NRK: variants seen among roughly 807,000 people sequenced by gnomAD.
NRK encodes the protein nik-related protein kinase.
NRK carries 67 observed loss-of-function variants against 125.2 expected under a neutral mutation model. That is an observed-to-expected ratio of 0.54 (90% CI 0.44 to 0.66). NRK has a LOEUF of 0.66. NRK is among the 30% of genes least tolerant of loss of function. The pLI is 0.00. For synonymous variants in NRK, 458 were observed against 429.0 expected, an observed-to-expected ratio of 1.07 and a Z score of -0.84; for missense variants, 1,224 against 1,192.9, an observed-to-expected ratio of 1.03 and a Z score of -0.38.
intron 2 of NRK, among the ~76,000 whole-genome samples, chrX:105,853,982 G>A (rs2039503246): frequency 8.9e-6 from 1 of 111,826 alleles, no homozygotes; most frequent in African/African-American, 3.2e-5. Context: ...CATTTTGGGG[G>A]CTGCCTTCAC....
chrX:105,856,051 T>A (rs968857057), intron 2 of NRK, among the ~76,000 whole-genome samples: 1 of 112,015 alleles, frequency 8.9e-6, no homozygotes, highest in African/African-American at 3.2e-5. Flanking sequence ...AAAAAAACTC[T>A]TCTGACAGTT....
intron 16 of NRK, among the ~76,000 whole-genome samples, chrX:105,918,619 A>G (rs994472218): frequency 9.1e-6 from 1 of 110,442 alleles, no homozygotes; most frequent in East Asian, 2.9e-4. Flanking sequence ...ATTTTTAAAA[A>G]TTTTTTCCCA....
intron 2 of NRK, among the ~76,000 whole-genome samples, chrX:105,844,971 C>T (rs949314089): frequency 5.4e-5 from 6 of 111,185 alleles, no homozygotes; most frequent in African/African-American, 2.0e-4. Context: ...AATCATCTTG[C>T]CATTTACTTG....
At chrX:105,868,215 T>C (rs1488625081) in intron 2 of NRK, among the ~76,000 whole-genome samples, 1 of 110,985 alleles carries the variant, frequency 9.0e-6, no homozygotes, top group Non-Finnish European at 1.9e-5. Flanking sequence ...CTTTGGACAG[T>C]GGGAATCAAT....
chrX:105,958,128 G>C lies in NRK; in HGVS notation c.*2528G>C, dbSNP rs1427170619. 8.9e-6 allele frequency: 1 copy of C among 111,825 alleles called. No individual in the cohort carries two copies. The highest frequency in any genetic ancestry group is 1.9e-5 in the Non-Finnish European group (1 of 53,233). 9.2% of individuals were successfully genotyped at this position (111,825 alleles called of 1,213,427 possible). The stretch of plus-strand genomic sequence containing the variant: ...ATTTAGGTTTTTCAACAAAGCCCTT[G>C]TCTAAAATAAAAGGCATTATTGGAA... On this transcript the variant is annotated 3_prime_UTR_variant, in exon 29 of 29. Coordinates refer to ENST00000243300, the MANE Select transcript of NRK (RefSeq NM_198465.4).
At chrX:105,900,907 C>T (rs2040148920) in intron 9 of NRK, among the ~76,000 whole-genome samples, 1 of 111,104 alleles carries the variant, frequency 9.0e-6, no homozygotes. Context: ...ACTTTTCTTT[C>T]TTATAATATC....
At chrX:105,899,453 G>T in intron 8 of NRK, among the ~76,000 whole-genome samples, 1 of 111,621 alleles carries the variant, frequency 9.0e-6, no homozygotes, top group East Asian at 2.8e-4. Context: ...TTCCTTAAGT[G>T]CCCTTTACAT....
chrX:105,934,565 C>A, intron 20 of NRK, 121 bp downstream of exon 20: 1 of 452,060 alleles, frequency 2.2e-6, no homozygotes. Flanking sequence ...GAAATAAATT[C>A]AGATTGATAT....
At chrX:105,873,295 A>G (rs1044332946) in intron 2 of NRK, among the ~76,000 whole-genome samples, 3 of 111,345 alleles carry the variant, frequency 2.7e-5, no homozygotes, top group African/African-American at 9.8e-5. Context: ...CCAGAGAAAA[A>G]CATGGTAATT....
chrX:105,854,839 T>A (rs1602611158), intron 2 of NRK, among the ~76,000 whole-genome samples: 1 of 111,997 alleles, frequency 8.9e-6, no homozygotes, highest in East Asian at 2.8e-4. Flanking sequence ...GGATTTTAAC[T>A]TTTAACTCTG....
chrX:105,856,328 C>T (rs780405117), intron 2 of NRK, among the ~76,000 whole-genome samples: 6 of 111,634 alleles, frequency 5.4e-5, no homozygotes, highest in African/African-American at 1.9e-4. Context: ...ACTAATGCTC[C>T]TTGAATGTCA....
chrX:105,942,059 C>T (rs186357995), intron 23 of NRK, among the ~76,000 whole-genome samples: 2 of 111,594 alleles, frequency 1.8e-5, no homozygotes, highest in East Asian at 2.8e-4. Context: ...TGTTTTATGA[C>T]GGACTTTTAC....
intron 2 of NRK, among the ~76,000 whole-genome samples, chrX:105,868,438 C>T (rs2039700056): frequency 9.0e-6 from 1 of 111,200 alleles, no homozygotes; most frequent in Admixed American, 9.6e-5. Context: ...CTCCTACATG[C>T]ATGCATACAC....
intron 4 of NRK, among the ~76,000 whole-genome samples, 175 bp downstream of exon 4, chrX:105,881,954 A>G (rs377371848): frequency 6.2e-4 from 69 of 111,456 alleles, no homozygotes; most frequent in African/African-American, 2.1e-3. Context: ...TTCAATCATC[A>G]TATATGAGCA....
In NRK at chrX:105,828,532, C is replaced by G. The variant is rs756174089; in HGVS notation, c.58-2522C>G. The stretch of plus-strand genomic sequence containing the variant: ...CTTGTACAGATGTTACAATAATTCT[C>G]TAATATATGGTATCTTTTCCAGCTA... On this transcript the variant is annotated intron_variant, in intron 1 of 28. Transcript: ENST00000243300. Among the ~76,000 whole-genome samples, 6 of 112,106 alleles carry G rather than the reference C, an allele frequency of 5.4e-5. No individual in the cohort carries two copies. The East Asian group carries it at 1.1e-3, about 21-fold the overall frequency.
rs187042379 is a variant in NRK at position 105,867,278 on chromosome X, G to A, written c.124-12921G>A. Among the ~76,000 whole-genome samples the A allele has an allele frequency of 2.7e-3, 301 of 111,029 alleles. No homozygotes were observed. In the South Asian group the frequency reaches 0.041, roughly 15 times the overall value. On this transcript the variant is annotated intron_variant, in intron 2 of 28. Transcript: ENST00000243300. ...CATCCCACAGATACTCTCTTGCCTC[G>A]GTCAGATGTGGGTGAAGTATCTTCT...
At chrX:105,928,557 A>G (rs1355014405) in intron 19 of NRK, among the ~76,000 whole-genome samples, 1 of 110,412 alleles carries the variant, frequency 9.1e-6, no homozygotes, top group Non-Finnish European at 1.9e-5. Flanking sequence ...TTGCTTTTCT[A>G]GTTCATTGAG....
chrX:105,890,115 T>C (rs1227460772), intron 5 of NRK, among the ~76,000 whole-genome samples: 3 of 111,783 alleles, frequency 2.7e-5, no homozygotes, highest in Non-Finnish European at 5.6e-5. Context: ...GAAGATACCC[T>C]AAATTATCTC....
At position 105,916,531 on chromosome X, in the gene NRK, T is replaced by C. The variant is rs746130047; in HGVS notation, c.2417+734T>C. ...ACTATATTCAAGATATTGGACAGTA[T>C]GGCCAGATGGCGTACAGTTAATGTT... On this transcript the variant is annotated intron_variant, in intron 15 of 28. Coordinates refer to ENST00000243300, the MANE Select transcript of NRK (RefSeq NM_198465.4). Among the ~76,000 whole-genome samples the C allele has an allele frequency of 5.3e-4, 59 of 111,850 alleles. 1 individual carries two copies. Among genetic ancestry groups the C allele is most frequent in the African/African-American group, 1.8e-3 (57 of 31,002 alleles).
Sources: gnomAD v4.1 joint callset for allele counts (sites outside exome capture counted in the v4.1 genomes callset) on GRCh38, gnomAD v4.1.1 for gene constraint, MANE v1.5 for transcripts, NCBI Gene and HGNC (gene_info 2026-07-23, HGNC 2026-07-21) for gene names.